MMP21: variants seen among roughly 807,000 people sequenced by gnomAD.
MMP21 encodes matrix metalloproteinase-21.
Under a neutral mutation model 47.8 loss-of-function variants are expected in MMP21, and 40 were observed. The ratio of observed to expected loss-of-function variants is 0.84; its 90% CI spans 0.65 to 1.09. The LOEUF (loss-of-function observed/expected upper bound fraction) is 1.09. Among genes scored for constraint, MMP21 ranks in the 50% least tolerant of loss-of-function variants. The pLI is 0.00. For missense variants in MMP21, 747 were observed against 775.3 expected (o/e 0.96, Z 0.43); for synonymous variants, 341 against 318.0 (o/e 1.07, Z -0.77).
Position 125,771,804 on chromosome 10 carries a change from T to C in MMP21, c.979+414A>G, listed in dbSNP as rs371483891. Among the ~76,000 whole-genome samples, 85 of 152,228 alleles carry C rather than the reference T, an allele frequency of 5.6e-4. 1 individual carries two copies. The highest frequency in any genetic ancestry group is 1.9e-3 in the African/African-American group (80 of 41,522). Reference sequence around the variant, plus strand: ...TTAAATAATCAACCACTAGAACGTTTGGCCTGAACGATTCTAAATAGAGAT... The same window carrying C: ...TTAAATAATCAACCACTAGAACGTTCGGCCTGAACGATTCTAAATAGAGAT... On this transcript the variant is annotated intron_variant, in intron 4 of 6. Coordinates refer to ENST00000368808, the MANE Select transcript of MMP21 (RefSeq NM_147191.1).
At position 125,768,424 on chromosome 10, in the gene MMP21, C is replaced by T. The variant is rs545673821; in HGVS notation, c.1238-720G>A. On this transcript the variant is annotated intron_variant, in intron 5 of 6. Transcript: ENST00000368808. ...AGAGTTCAGATGCTCATTTCGTGCT[C>T]TAAATCAGTAGAAGCTTATTTTAGC... 3.3e-5 allele frequency among the ~76,000 whole-genome samples: 5 copies of T among 152,332 alleles called. No individual in the cohort carries two copies. In the East Asian group the frequency reaches 9.6e-4, roughly 29 times the overall value.
In MMP21 at chr10:125,766,634, A is replaced by G. The variant is rs1200205599; in HGVS notation, c.*28T>C. The G allele has an allele frequency of 7.1e-6, 11 of 1,552,344 alleles. No homozygotes were observed. The highest frequency in any genetic ancestry group is 1.4e-5 in the African/African-American group (1 of 72,646). On this transcript the variant is annotated 3_prime_UTR_variant, in exon 7 of 7. Coordinates refer to ENST00000368808, the MANE Select transcript of MMP21 (RefSeq NM_147191.1). ...AGTATCAGAATTTTAGCGAAGTCCT[A>G]TGACCCTCCATTTCCTACTTTTTCT...
chr10:125,772,697 G>A lies in MMP21; in HGVS notation c.751C>T (p.His251Tyr). 1 of 1,614,212 alleles carries A rather than the reference G, an allele frequency of 6.2e-7. No homozygotes were observed. ...AFDGSGQEFAHAWRLGDIHFD... is the reference protein window; with the variant it reads ...AFDGSGQEFAYAWRLGDIHFD... Reference sequence around the variant, plus strand: ...TGAATGTCACCTAGGCGCCAGGCGTGTGCAAACTCCTGCCCGCTCCCATCG... The same window carrying A: ...TGAATGTCACCTAGGCGCCAGGCGTATGCAAACTCCTGCCCGCTCCCATCG... The change falls in exon 3 of 7, where the codon CAC becomes TAC. Residue 251 changes from histidine (H) to tyrosine (Y), a missense_variant. Coordinates refer to ENST00000368808, the MANE Select transcript of MMP21 (RefSeq NM_147191.1). The surrounding 1 kb of genome is among the most constrained non-coding windows in gnomAD (Gnocchi z 5.6).
Position 125,766,794 on chromosome 10 carries a change from G to C in MMP21, c.1578C>G (p.Tyr526Ter), listed in dbSNP as rs1850390992. Residue 526 changes from tyrosine (Y) to a stop codon, truncating the protein, a stop_gained, in exon 7 of 7, where the codon TAC (tyrosine) becomes TAG (stop). Transcript: ENST00000368808. LOFTEE classifies it low-confidence loss of function (END_TRUNC). ...TGTCCTTGTCATTAACTACCTTCCA[G>C]TATGCATTGCCTTTGAAAAAGAAAA... Reference protein sequence around the residue: ...NSIFFFKGNAYWKVVNDKDKQ... With the variant: ...NSIFFFKGNA 5.6e-6 allele frequency: 9 copies of C among 1,613,842 alleles called. No individual in the cohort carries two copies. The highest frequency in any genetic ancestry group is 3.3e-5 in the Admixed American group (2 of 59,996).
In MMP21 at chr10:125,767,647, T is replaced by G; in HGVS notation, c.1295A>C (p.Gln432Pro). ...AATCAATTTGGGATAGCTTTTTCCT[T>G]GTTCATCTTCTGTGAGGGCCTGATC... is the stretch of plus-strand genomic sequence containing the variant. ...DKDQALTEDE[Q>P]GKSYPKLISE... The change falls in exon 6 of 7, where the codon CAA (glutamine) becomes CCA (proline). Residue 432 changes from glutamine to proline, a missense_variant. By Grantham distance (76) the Gln-to-Pro change is moderately conservative (BLOSUM62 -1). Coordinates refer to ENST00000368808, the MANE Select transcript of MMP21 (RefSeq NM_147191.1). The G allele has an allele frequency of 6.2e-7, 1 of 1,614,214 alleles. No homozygotes were observed.
At position 125,773,621 on chromosome 10, in the gene MMP21, CAGT is replaced by C. The variant is rs28381287; in HGVS notation, c.697+207_697+209del. The stretch of plus-strand genomic sequence containing the variant: ...GTGCCCAGGGCCGGCCCTAGTGTCC[CAGT>C]AGGCCACACCAGGCTATCTGCAGGG... On this transcript the variant is annotated intron_variant, in intron 2 of 6. Coordinates refer to ENST00000368808, the MANE Select transcript of MMP21 (RefSeq NM_147191.1). This position sits in a 1 kb window ranked among gnomAD's most constrained non-coding sequence, Gnocchi z 4.8. Among the ~76,000 whole-genome samples, 1,818 of 152,034 alleles carry C rather than the reference CAGT, an allele frequency of 0.012. 31 individuals carry two copies. Among genetic ancestry groups the C allele is most frequent in the East Asian group, 0.065 (328 of 5,084 alleles).
chr10:125,772,109 C>T lies in MMP21; in HGVS notation c.979+109G>A, dbSNP rs890140779. 1.5e-5 allele frequency: 20 copies of T among 1,314,130 alleles called. No individual in the cohort carries two copies. Among genetic ancestry groups the T allele is most frequent in the East Asian group, 4.6e-5 (2 of 43,338 alleles). The allele number at this position is 1,314,130 out of a possible 1,614,324, so 81.4% of individuals were successfully genotyped here. ...CCCTTGGGTGACATGAGTTGTACAA[C>T]GTTGCGCTCTTAGGCCCAGTTTCCC... On this transcript the variant is annotated intron_variant, in intron 4 of 6. Coordinates refer to ENST00000368808, the MANE Select transcript of MMP21 (RefSeq NM_147191.1). The surrounding 1 kb of genome is among the most constrained non-coding windows in gnomAD (Gnocchi z 5.6).
rs1330698369 is a variant in MMP21 at position 125,774,035 on chromosome 10, C to T, written c.493G>A (p.Gly165Ser). Residue 165 changes from glycine to serine, a missense_variant, in exon 2 of 7, where the codon GGC (glycine) becomes AGC (serine). Physicochemically the swap from Gly to Ser is moderately conservative, Grantham distance 56. Transcript: ENST00000368808. ...RGWQPRGYPD[G>S]GAAQAFSKRT... Reference sequence around the variant, plus strand: ...TTGGAGAAGGCCTGGGCAGCTCCGCCGTCGGGGTAGCCCCGGGGCTGCCAA... The same window carrying T: ...TTGGAGAAGGCCTGGGCAGCTCCGCTGTCGGGGTAGCCCCGGGGCTGCCAA... 7.4e-6 allele frequency: 11 copies of T among 1,492,238 alleles called. No homozygotes were observed. The Admixed American group carries it at 1.3e-4, about 18-fold the overall frequency. The allele number at this position is 1,492,238 out of a possible 1,614,324, so 92.4% of individuals were successfully genotyped here.
In MMP21 at chr10:125,767,633, G is replaced by A. The variant is rs774223575; in HGVS notation, c.1309C>T (p.Pro437Ser). 6.2e-7 allele frequency: 1 copy of A among 1,614,142 alleles called. No individual in the cohort carries two copies. The highest frequency in any genetic ancestry group is 8.5e-7 in the Non-Finnish European group (1 of 1,180,030). ...LTEDEQGKSY[P>S]KLISEGFPGI... is the part of the protein sequence containing the mutation. ...GGAAATCCTTCTGAAATCAATTTGG[G>A]ATAGCTTTTTCCTTGTTCATCTTCT... is the stretch of plus-strand genomic sequence containing the variant. Residue 437 changes from proline to serine, a missense_variant, in exon 6 of 7, where the codon CCC becomes TCC. Pro to Ser is a moderately conservative substitution (Grantham distance 74). Transcript: ENST00000368808.
Position 125,766,585 on chromosome 10 carries a change from G to A in MMP21, c.*77C>T. ...CAGTGCCATATTTTCTTCAGCTACT[G>A]AAAATCCGGTTTTCTTTGTAAACAG... On this transcript the variant is annotated 3_prime_UTR_variant, in exon 7 of 7. Coordinates refer to ENST00000368808, the MANE Select transcript of MMP21 (RefSeq NM_147191.1). The A allele has an allele frequency of 1.6e-6, 2 of 1,290,264 alleles. No homozygotes were observed. The highest frequency in any genetic ancestry group is 1.5e-5 in the African/African-American group (1 of 67,180). The allele number at this position is 1,290,264 out of a possible 1,614,324, so 79.9% of individuals were successfully genotyped here.
chr10:125,772,761 G>A lies in MMP21; in HGVS notation c.698-11C>T. 3 of 1,610,856 alleles carry A rather than the reference G, an allele frequency of 1.9e-6. No homozygotes were observed. Among genetic ancestry groups the A allele is most frequent in the Non-Finnish European group, 2.5e-6 (3 of 1,178,368 alleles). ...AGCCCAGGTGCCGGCCTGGCGAGGG[G>A]GAGGAGGAGTTGGTCCCGGTGAAGG... is the stretch of plus-strand genomic sequence containing the variant. On this transcript the variant is annotated splice_polypyrimidine_tract_variant and intron_variant, in intron 2 of 6. Transcript: ENST00000368808. The surrounding 1 kb of genome is among the most constrained non-coding windows in gnomAD (Gnocchi z 5.6).
chr10:125,774,413 C>G, intron 1 of MMP21, 48 bp from the exon 2 acceptor site: 1 of 1,281,356 alleles, frequency 7.8e-7, no homozygotes, highest in South Asian at 2.1e-5. Flanking sequence ...GCTCGGGGCC[C>G]TCCCGGGCTG....
chr10:125,774,174 C>A lies in MMP21; in HGVS notation c.354G>T (p.Gly118=), dbSNP rs1002882850. ...TLAAMNRPRC[G]VPDMRPPPPS... ...GGGGCGGTGGGCGCATGTCCGGGAC[C>A]CCGCAGCGCGGCCGGTTCATGGCCG... The change falls in exon 2 of 7, where the codon GGG becomes GGT. Residue 118 remains glycine (G), a synonymous_variant. Transcript: ENST00000368808. 3 of 1,271,150 alleles carry A rather than the reference C, an allele frequency of 2.4e-6. No individual in the cohort carries two copies. The highest frequency in any genetic ancestry group is 4.3e-5 in the Admixed American group (1 of 23,082). 78.7% of individuals were successfully genotyped at this position (1,271,150 alleles called of 1,614,324 possible).
intron 5 of MMP21, among the ~76,000 whole-genome samples, chr10:125,768,398 C>T (rs1850408388): frequency 6.6e-6 from 1 of 152,190 alleles, no homozygotes; most frequent in Admixed American, 6.5e-5. Flanking sequence ...CATTTTGTTT[C>T]AGAGTTCAGA....
intron 6 of MMP21, 102 bp from the exon 7 acceptor site, chr10:125,767,063 C>A: frequency 1.1e-6 from 1 of 934,608 alleles, no homozygotes; most frequent in East Asian, 2.7e-5. Flanking sequence ...GTACCAAATT[C>A]TTTAGACTTG....
chr10:125,774,706 G>A (rs998447788), intron 1 of MMP21, among the ~76,000 whole-genome samples: 20 of 152,326 alleles, frequency 1.3e-4, no homozygotes, highest in South Asian at 8.3e-4. Context: ...CTGGGCAGCG[G>A]GGTGGGCGAG....
chr10:125,774,005 T>C lies in MMP21; in HGVS notation c.523A>G (p.Thr175Ala), dbSNP rs1480832475. The change falls in exon 2 of 7, where the codon ACG becomes GCG. Residue 175 changes from threonine (T) to alanine (A), a missense_variant. Coordinates refer to ENST00000368808, the MANE Select transcript of MMP21 (RefSeq NM_147191.1). Reference protein sequence around the residue: ...GGAAQAFSKRTLSWRLLGEAL... With the variant: ...GGAAQAFSKRALSWRLLGEAL... Reference sequence around the variant, plus strand: ...TCGCCCAGCAGCCGCCAGCTCAGCGTCCTCTTGGAGAAGGCCTGGGCAGCT... The same window carrying C: ...TCGCCCAGCAGCCGCCAGCTCAGCGCCCTCTTGGAGAAGGCCTGGGCAGCT... The C allele has an allele frequency of 1.9e-6, 3 of 1,548,576 alleles. No individual in the cohort carries two copies. Among genetic ancestry groups the C allele is most frequent in the Admixed American group, 3.7e-5 (2 of 54,162 alleles).
chr10:125,771,972 GTCC>G (rs1223373864), intron 4 of MMP21, among the ~76,000 whole-genome samples: 10 of 152,162 alleles, frequency 6.6e-5, no homozygotes, highest in African/African-American at 2.4e-4. Context: ...CGCATTCACT[GTCC>G]TCCTGGGAAA....
chr10:125,773,841 GC>G lies in MMP21; in HGVS notation c.686del (p.Gly229AlafsTer27). ...APGAAVDIKL[G>X]FGRGRHLGCP... is the part of the protein sequence containing the mutation. ...CCGGGGTGCTCTTACCTCTCCCAAA[GC>G]CCAGCTTGATGTCGACCGCGGCCCC... On this transcript the variant is annotated frameshift_variant, in exon 2 of 7. Coordinates refer to ENST00000368808, the MANE Select transcript of MMP21 (RefSeq NM_147191.1). LOFTEE classifies it high-confidence loss of function. The surrounding 1 kb of genome is among the most constrained non-coding windows in gnomAD (Gnocchi z 4.8). The G allele has an allele frequency of 6.4e-7, 1 of 1,554,158 alleles. No individual in the cohort carries two copies.
Sources: gnomAD v4.1 joint callset for allele counts (sites outside exome capture counted in the v4.1 genomes callset) on GRCh38, gnomAD v4.1.1 for gene constraint, Gnocchi (gnomAD v3.1) non-coding constraint, MANE v1.5 for transcripts, NCBI Gene and HGNC (gene_info 2026-07-23, HGNC 2026-07-21) for gene names.